Variants in IAPP observed in about 807,000 individuals in gnomAD.
IAPP encodes the protein Islet amyloid polypeptide (diabetes-associated peptide; amylin).
In IAPP, 4 loss-of-function variants were observed where a neutral mutation model predicts 2.9. That is an observed-to-expected ratio of 1.39 (90% CI 0.69 to 3.19). IAPP has a LOEUF of 3.19. IAPP is among the 30% of genes most tolerant of loss of function. The pLI is 0.01. For missense variants in IAPP, 114 were observed against 105.3 expected, an observed-to-expected ratio of 1.08 and a Z score of -0.36; for synonymous variants, 40 against 42.1, an observed-to-expected ratio of 0.95 and a Z score of 0.19.
Position 21,375,556 on chromosome 12 carries a change from CT to C in IAPP, c.80+2131del, listed in dbSNP as rs1940132137. Among the ~76,000 whole-genome samples, 6 of 152,184 alleles carry C rather than the reference CT, an allele frequency of 3.9e-5. No homozygotes were observed. In the South Asian group the frequency reaches 1.2e-3, roughly 32 times the overall value. On this transcript the variant is annotated intron_variant, in intron 2 of 2. Coordinates refer to ENST00000240652, the MANE Select transcript of IAPP (RefSeq NM_000415.3). ...AAAGGATCACATACTTTCCCACCAACTTTTTTACACTCCCTTGTAAATATCT... is the reference window on the plus strand; with the variant it reads ...AAAGGATCACATACTTTCCCACCAACTTTTTACACTCCCTTGTAAATATCT...
At chr12:21,365,569 C>G (rs1462664187) in intron 1 of IAPP, among the ~76,000 whole-genome samples, 2 of 152,154 alleles carry the variant, frequency 1.3e-5, no homozygotes, top group African/African-American at 4.8e-5. Context: ...AACTAAAGAG[C>G]TTCTGCACAT....
intron 2 of IAPP, 40 bp downstream of exon 2, chr12:21,373,471 A>T: frequency 7.4e-7 from 1 of 1,350,618 alleles, no homozygotes; most frequent in Non-Finnish European, 1.1e-6. Context: ...TAACTTTTGT[A>T]AAGTGTGAGA....
At chr12:21,361,520 C>A (rs939769902) in intron 1 of IAPP, among the ~76,000 whole-genome samples, 1 of 152,188 alleles carries the variant, frequency 6.6e-6, no homozygotes, top group Non-Finnish European at 1.5e-5. Flanking sequence ...AGTAATGGAA[C>A]AAAGCTGGAC....
At chr12:21,374,865 G>C (rs1940079336) in intron 2 of IAPP, among the ~76,000 whole-genome samples, 1 of 151,824 alleles carries the variant, frequency 6.6e-6, no homozygotes, top group Non-Finnish European at 1.5e-5. Context: ...GGCTGCTGGA[G>C]CACAGTGGTA....
intron 2 of IAPP, among the ~76,000 whole-genome samples, chr12:21,375,998 A>C (rs1245307534): frequency 6.6e-6 from 1 of 152,214 alleles, no homozygotes; most frequent in Non-Finnish European, 1.5e-5. Context: ...ATAGAATCTT[A>C]TATATACTGA....
upstream of IAPP, among the ~76,000 whole-genome samples, chr12:21,371,197 T>C (rs944670408): frequency 1.3e-5 from 2 of 152,158 alleles, no homozygotes; most frequent in African/African-American, 4.8e-5. Context: ...CTGGGTGTTG[T>C]TATAGCAATG....
At chr12:21,376,983 T>C (rs954689678) in intron 2 of IAPP, among the ~76,000 whole-genome samples, 2 of 152,148 alleles carry the variant, frequency 1.3e-5, no homozygotes, top group African/African-American at 4.8e-5. Flanking sequence ...TCCGATATCG[T>C]TTTAAAAGCA....
chr12:21,364,597 G>A (rs1242985632), intron 1 of IAPP, among the ~76,000 whole-genome samples: 1 of 152,174 alleles, frequency 6.6e-6, no homozygotes, highest in Non-Finnish European at 1.5e-5. Flanking sequence ...AGGAAAAGAG[G>A]AAGTCAAATT....
Position 21,378,531 on chromosome 12 carries a change from G to A in IAPP, c.*105G>A. 1.1e-6 allele frequency: 1 copy of A among 950,360 alleles called. No individual in the cohort carries two copies. Among genetic ancestry groups the A allele is most frequent in the South Asian group, 1.4e-5 (1 of 73,880 alleles). The allele number at this position is 950,360 out of a possible 1,614,324, so 58.9% of individuals were successfully genotyped here. On this transcript the variant is annotated 3_prime_UTR_variant, in exon 3 of 3. Coordinates refer to ENST00000240652, the MANE Select transcript of IAPP (RefSeq NM_000415.3). ...GTGTGAATATATGGTCTGTGTGTCT[G>A]ATGTTTGTTGCTAGGACATATACCT...
chr12:21,370,544 T>G (rs1358981829), upstream of IAPP, among the ~76,000 whole-genome samples: 1 of 146,776 alleles, frequency 6.8e-6, no homozygotes, highest in Non-Finnish European at 1.5e-5. Flanking sequence ...GTGTTCTCAT[T>G]GTTCAATTCC....
Position 21,378,255 on chromosome 12 carries a change from G to A in IAPP, c.99G>A (p.Arg33=). The change falls in exon 3 of 3, where the codon CGG becomes CGA. Residue 33 remains arginine (R), a synonymous_variant. Coordinates refer to ENST00000240652, the MANE Select transcript of IAPP (RefSeq NM_000415.3). ...TPIESHQVEK[R]KCNTATCATQ... ...TTACCAGTCATCAGGTGGAAAAGCG[G>A]AAATGCAACACTGCCACATGTGCAA... 1.2e-6 allele frequency: 2 copies of A among 1,614,170 alleles called. No individual in the cohort carries two copies. The highest frequency in any genetic ancestry group is 1.7e-6 in the Non-Finnish European group (2 of 1,180,022).
chr12:21,372,699 A>G (rs1939887087), upstream of IAPP, among the ~76,000 whole-genome samples: 1 of 152,222 alleles, frequency 6.6e-6, no homozygotes, highest in Admixed American at 6.5e-5. Flanking sequence ...ACACACCATT[A>G]ACTGCACAAG....
chr12:21,366,751 A>C (rs34057845), intron 1 of IAPP, among the ~76,000 whole-genome samples: 13,792 of 151,946 alleles, frequency 0.091, 1,024 homozygotes, highest in East Asian at 0.4. Flanking sequence ...TCAGAAAGCA[A>C]GATCTCTTGA....
At chr12:21,355,123 T>A (rs958336070) in intron 1 of IAPP, 1 of 152,188 alleles carries the variant, frequency 6.6e-6, no homozygotes, top group Non-Finnish European at 1.5e-5. Flanking sequence ...TATCATATGA[T>A]CCATGTATAT....
intron 1 of IAPP, among the ~76,000 whole-genome samples, chr12:21,361,410 TAG>T (rs2137048743): frequency 6.6e-6 from 1 of 152,262 alleles, no homozygotes; most frequent in South Asian, 2.1e-4. Flanking sequence ...AGACGAAATG[TAG>T]ATAAAACCAC....
chr12:21,375,556 C>T (rs146763938), intron 2 of IAPP, among the ~76,000 whole-genome samples: 1 of 152,184 alleles, frequency 6.6e-6, no homozygotes, highest in Non-Finnish European at 1.5e-5. Context: ...TTCCCACCAA[C>T]TTTTTTACAC....
At chr12:21,366,116 A>T (rs1435224454) in intron 1 of IAPP, among the ~76,000 whole-genome samples, 1 of 152,230 alleles carries the variant, frequency 6.6e-6, no homozygotes, top group African/African-American at 2.4e-5. Flanking sequence ...TTATTGCAGC[A>T]CTATTCACAA....
chr12:21,365,961 G>C (rs944701478), intron 1 of IAPP, among the ~76,000 whole-genome samples: 19 of 152,232 alleles, frequency 1.2e-4, no homozygotes, highest in South Asian at 2.1e-4. Flanking sequence ...GGACTGTAAA[G>C]TAGTTCAACC....
intron 1 of IAPP, among the ~76,000 whole-genome samples, chr12:21,359,316 C>T (rs1261392036): frequency 6.6e-6 from 1 of 151,972 alleles, no homozygotes; most frequent in Non-Finnish European, 1.5e-5. Context: ...AGAAGAAAAA[C>T]ACTAGTTTAA....
Sources: gnomAD v4.1 joint callset for allele counts (sites outside exome capture counted in the v4.1 genomes callset) on GRCh38, gnomAD v4.1.1 for gene constraint, MANE v1.5 for transcripts, NCBI Gene and HGNC (gene_info 2026-07-23, HGNC 2026-07-21) for gene names.